The following TBX19 variants were observed in gnomAD, a reference collection of about 807,000 sequenced individuals.
The protein encoded by TBX19 is T-box transcription factor TBX19.
Under a neutral mutation model 40.9 loss-of-function variants are expected in TBX19, and 33 were observed. That is an observed-to-expected ratio of 0.81 (90% CI 0.61 to 1.08). The LOEUF is 1.08. Among genes scored for constraint, TBX19 ranks in the 50% least tolerant of loss-of-function variants. The probability of loss-of-function intolerance (pLI) is 0.00; values close to 1 mark genes in which losing one functional copy is unlikely to be tolerated. For missense variants in TBX19, 494 were observed against 574.0 expected, an observed-to-expected ratio of 0.86 and a Z score of 1.42; for synonymous variants, 220 against 225.0, an observed-to-expected ratio of 0.98 and a Z score of 0.20.
intron 7 of TBX19, among the ~76,000 whole-genome samples, chr1:168,311,238 A>G (rs1183684137): frequency 6.6e-6 from 1 of 152,136 alleles, no homozygotes; most frequent in Non-Finnish European, 1.5e-5. Flanking sequence ...TCATCCATAT[A>G]TAAGTCATCT....
Position 168,281,119 on chromosome 1 carries a change from A to G in TBX19, c.29A>G (p.Lys10Arg), listed in dbSNP as rs1229566213. 2 of 1,614,030 alleles carry G rather than the reference A, an allele frequency of 1.2e-6. No individual in the cohort carries two copies. The highest frequency in any genetic ancestry group is 2.2e-5 in the South Asian group (2 of 91,088). The part of the protein sequence containing the change: MAMSELGTR[K>R]PSDGTVSHLL... ...GCCATGAGTGAGCTGGGCACTCGGA[A>G]GCCCAGCGATGGCACTGTTTCTCAT... The change falls in exon 1 of 8, where the codon AAG becomes AGG. Residue 10 changes from lysine (K) to arginine (R), a missense_variant. Physicochemically the swap from Lys to Arg is conservative, Grantham distance 26. Around this residue, in one of 3 missense-constraint regions of TBX19, gnomAD observed 201 missense variants for 235.2 expected, o/e 0.85. Coordinates refer to ENST00000367821, the MANE Select transcript of TBX19 (RefSeq NM_005149.3).
intron 2 of TBX19, 76 bp downstream of exon 2, chr1:168,291,500 A>G (rs1648939408): frequency 6.2e-7 from 1 of 1,604,144 alleles, no homozygotes; most frequent in South Asian, 1.1e-5. Context: ...TCAAGGGTGC[A>G]TTTAGGCAAT....
intron 5 of TBX19, among the ~76,000 whole-genome samples, chr1:168,301,405 G>A (rs969561877): frequency 1.1e-4 from 17 of 152,120 alleles, no homozygotes; most frequent in African/African-American, 4.1e-4. Context: ...TGGGCCCACA[G>A]GCATGTGCCA....
intron 1 of TBX19, among the ~76,000 whole-genome samples, chr1:168,285,964 C>G (rs534554515): frequency 4.6e-5 from 7 of 152,078 alleles, no homozygotes; most frequent in Non-Finnish European, 7.4e-5. Flanking sequence ...AGTTCCATTC[C>G]CAGTTACAAG....
At chr1:168,292,893 T>C (rs1267758065) in intron 2 of TBX19, among the ~76,000 whole-genome samples, 2 of 134,302 alleles carry the variant, frequency 1.5e-5, no homozygotes, top group African/African-American at 5.6e-5. Flanking sequence ...AAAAAAGGAA[T>C]AGCTCCTCTC....
chr1:168,311,218 TATATATAAGTCATCC>T (rs1417445677), intron 7 of TBX19, among the ~76,000 whole-genome samples: 2 of 152,174 alleles, frequency 1.3e-5, no homozygotes, highest in African/African-American at 2.4e-5. Context: ...GATACTTACA[TATATATAAGTCATCC>T]ATATATAAGT....
At chr1:168,308,972 G>A in intron 7 of TBX19, 95 bp downstream of exon 7, 2 of 1,561,496 alleles carry the variant, frequency 1.3e-6, no homozygotes, top group Non-Finnish European at 8.8e-7. Flanking sequence ...GGGTGGCTTG[G>A]TCTAACCTAT....
intron 1 of TBX19, among the ~76,000 whole-genome samples, chr1:168,286,472 G>A (rs1648807596): frequency 6.6e-6 from 1 of 152,188 alleles, no homozygotes; most frequent in Admixed American, 6.5e-5. Context: ...GATATCCTGG[G>A]AATCATACAA....
rs375374858 is a variant in TBX19, at chr1:168,308,892, A to G, written c.1052+15A>G. 1.2e-6 allele frequency: 2 copies of G among 1,613,946 alleles called. No individual in the cohort carries two copies. The highest frequency in any genetic ancestry group is 8.5e-7 in the Non-Finnish European group (1 of 1,179,954). ...CCAGGGCCCAGGTAAGACCAACACC[A>G]TCAACTCGCTCATTGGTCGTCTTGG... is the stretch of plus-strand genomic sequence containing the variant. On this transcript the variant is annotated intron_variant, in intron 7 of 7. Transcript: ENST00000367821.
At chr1:168,293,080 C>T (rs2102354623) in intron 2 of TBX19, 64 bp from the exon 3 acceptor site, 7 of 1,604,374 alleles carry the variant, frequency 4.4e-6, no homozygotes, top group Non-Finnish European at 5.9e-6. Flanking sequence ...GATGCTGGCT[C>T]CTTTATCACC....
chr1:168,282,059 G>A (rs1648667266), intron 1 of TBX19, among the ~76,000 whole-genome samples: 1 of 152,164 alleles, frequency 6.6e-6, no homozygotes, highest in African/African-American at 2.4e-5. Flanking sequence ...CAAATATTTT[G>A]AAACAAAATC....
At chr1:168,283,360 G>A (rs1648711241) in intron 1 of TBX19, among the ~76,000 whole-genome samples, 1 of 152,060 alleles carries the variant, frequency 6.6e-6, no homozygotes. Flanking sequence ...GCCCTTTAGG[G>A]TCAAGATTTT....
Position 168,281,266 on chromosome 1 carries a change from AT to A in TBX19, c.177del (p.Asn59LysfsTer3), listed in dbSNP as rs1198449790. 1 of 1,614,068 alleles carries A rather than the reference AT, an allele frequency of 6.2e-7. No individual in the cohort carries two copies. Among genetic ancestry groups the A allele is most frequent in the Non-Finnish European group, 8.5e-7 (1 of 1,180,028 alleles). On this transcript the variant is annotated frameshift_variant, in exon 1 of 8. Transcript: ENST00000367821. LOFTEE classifies it high-confidence loss of function. ...PLWQRFKEVT[N>X]EMIVTKNGRR... ...TGGCAGAGATTCAAGGAAGTCACTA[AT>A]GAGATGATTGTGACCAAGAATGGCA...
At position 168,281,022 on chromosome 1, in the gene TBX19, G is replaced by A. The variant is rs1320571160; in HGVS notation, c.-69G>A. On this transcript the variant is annotated 5_prime_UTR_variant, in exon 1 of 8. In the 5' UTR this introduces an upstream ATG that the reference lacks. Transcript: ENST00000367821. ...TCAAGTGGGTTTGAAAAGCAGGCAA[G>A]TGAGGGAAGGAAGAAGCTAGAAGCA... 2.0e-5 allele frequency: 30 copies of A among 1,483,240 alleles called. No individual in the cohort carries two copies. The highest frequency in any genetic ancestry group is 2.8e-5 in the Non-Finnish European group (30 of 1,067,108). 91.9% of individuals were successfully genotyped at this position (1,483,240 alleles called of 1,614,324 possible).
chr1:168,306,199 C>T (rs1209167819), intron 6 of TBX19, among the ~76,000 whole-genome samples: 1 of 152,222 alleles, frequency 6.6e-6, no homozygotes, highest in Non-Finnish European at 1.5e-5. Context: ...GATTATGTAG[C>T]TTACCAATAG....
In TBX19 at chr1:168,308,762, A is replaced by C. The variant is rs368259445; in HGVS notation, c.937A>C (p.Ser313Arg). Residue 313 changes from serine (S) to arginine (R), a missense_variant, in exon 7 of 8, where the codon AGC becomes CGC. By Grantham distance (110) the Ser-to-Arg change is moderately radical. Around this residue, in one of 3 missense-constraint regions of TBX19, gnomAD observed 284 missense variants for 307.3 expected, o/e 0.92. Transcript: ENST00000367821. The part of the protein sequence containing the change: ...SPSVNLIESS[S>R]NNLQVFSGPD... ...CCAAGTGAATTTGATAGAAAGCTCAAGCAATAATCTGCAAGTTTTCTCGGG... is the reference window on the plus strand; with the variant it reads ...CCAAGTGAATTTGATAGAAAGCTCACGCAATAATCTGCAAGTTTTCTCGGG... 6 of 1,614,008 alleles carry C rather than the reference A, an allele frequency of 3.7e-6. No homozygotes were observed. Among genetic ancestry groups the C allele is most frequent in the African/African-American group, 2.7e-5 (2 of 74,878 alleles).
At chr1:168,290,565 T>C (rs544940523) in intron 1 of TBX19, among the ~76,000 whole-genome samples, 1 of 152,292 alleles carries the variant, frequency 6.6e-6, no homozygotes, top group East Asian at 1.9e-4. Flanking sequence ...GTTCTTGTTT[T>C]TTTGAGACAG....
intron 5 of TBX19, among the ~76,000 whole-genome samples, chr1:168,302,873 C>T (rs111499217): frequency 1.9e-3 from 287 of 152,166 alleles, no homozygotes; most frequent in Non-Finnish European, 3.5e-3. Flanking sequence ...ACTCTTCCTG[C>T]GTAACCACAT....
At position 168,314,147 on chromosome 1, in the gene TBX19, C is replaced by T. The variant is rs1162469456; in HGVS notation, c.*1145C>T. 1 of 152,946 alleles carries T rather than the reference C, an allele frequency of 6.5e-6. No homozygotes were observed. The highest frequency in any genetic ancestry group is 2.4e-5 in the African/African-American group (1 of 41,442). 9.5% of individuals were successfully genotyped at this position (152,946 alleles called of 1,614,324 possible). A position where few individuals can be genotyped will look rare whatever the true frequency, so the allele number is the denominator to read the frequency against. ...AGTTCACCTGTGCGAATCCGACCCA[C>T]CTCCCAGAGCCTGGCTGAAACGTCA... On this transcript the variant is annotated 3_prime_UTR_variant, in exon 8 of 8. Transcript: ENST00000367821.
Sources: allele counts gnomAD v4.1 joint callset (sites outside exome capture counted in the v4.1 genomes callset), GRCh38; gene constraint gnomAD v4.1.1; regional missense constraint gnomAD v4.1.1; transcripts MANE v1.5; gene names NCBI Gene and HGNC (gene_info 2026-07-23, HGNC 2026-07-21).